Variants in CNBD2 observed in about 807,000 individuals in gnomAD.
CNBD2 encodes cyclic nucleotide-binding domain-containing protein 2.
Under a neutral mutation model 63.7 loss-of-function variants are expected in CNBD2, and 64 were observed. That is an observed-to-expected ratio of 1.00 (90% CI 0.82 to 1.24). The LOEUF (loss-of-function observed/expected upper bound fraction) is 1.24, where lower values mean the gene tolerates loss of function less well. Ranked by LOEUF, CNBD2 falls within the 50% of genes most tolerant of loss-of-function variation. The probability of loss-of-function intolerance (pLI) is 0.00; values close to 1 mark genes in which losing one functional copy is unlikely to be tolerated. For synonymous variants in CNBD2, 229 were observed against 255.4 expected, an observed-to-expected ratio of 0.90 and a Z score of 0.99; for missense variants, 691 against 713.5, an observed-to-expected ratio of 0.97 and a Z score of 0.36.
At chr20:36,029,936 CT>C (rs1166520139) in intron 11 of CNBD2, among the ~76,000 whole-genome samples, 4 of 152,222 alleles carry the variant, frequency 2.6e-5, no homozygotes, top group Non-Finnish European at 5.9e-5. Context: ...ACCAGTCTAC[CT>C]CCTGTCTCTA....
chr20:35,972,772 C>T lies in CNBD2; in HGVS notation c.189+6C>T, dbSNP rs374812491. The T allele has an allele frequency of 6.2e-7, 1 of 1,613,826 alleles. No homozygotes were observed. Among genetic ancestry groups the T allele is most frequent in the Non-Finnish European group, 8.5e-7 (1 of 1,179,880 alleles). Reference sequence around the variant, plus strand: ...CTATCTTCTCCTTCTGGGATGTAAGCAGTTGGGCTCAGCAGGATTATGAGG... The same window carrying T: ...CTATCTTCTCCTTCTGGGATGTAAGTAGTTGGGCTCAGCAGGATTATGAGG... On this transcript the variant is annotated splice_donor_region_variant and intron_variant, in intron 2 of 11. Coordinates refer to ENST00000373973, the MANE Select transcript of CNBD2 (RefSeq NM_001365709.1).
At chr20:35,987,061 T>C (rs771685842) in intron 6 of CNBD2, among the ~76,000 whole-genome samples, 35 of 150,622 alleles carry the variant, frequency 2.3e-4, no homozygotes, top group Non-Finnish European at 4.3e-4. Context: ...TGAGCCACGG[T>C]GGGGAGGGAT....
At chr20:35,967,422 T>C (rs953555692), upstream of CNBD2, among the ~76,000 whole-genome samples, 3 of 151,504 alleles carry the variant, frequency 2.0e-5, no homozygotes, top group African/African-American at 7.3e-5. Flanking sequence ...GCTAATTTTT[T>C]TGTATTTTTA....
intron 3 of CNBD2, among the ~76,000 whole-genome samples, chr20:35,977,695 C>T (rs6060737): frequency 3.3e-5 from 5 of 151,984 alleles, no homozygotes; most frequent in African/African-American, 1.2e-4. Flanking sequence ...CCAACCCATC[C>T]CAAAAAAGCA....
intron 10 of CNBD2, among the ~76,000 whole-genome samples, chr20:36,017,762 C>T (rs1030842465): frequency 6.6e-6 from 1 of 152,180 alleles, no homozygotes; most frequent in Admixed American, 6.5e-5. Context: ...TCCATTCCTT[C>T]GGTCATTCTT....
downstream of CNBD2, among the ~76,000 whole-genome samples, chr20:35,958,438 AT>A (rs1355746941): frequency 6.6e-6 from 1 of 152,250 alleles, no homozygotes; most frequent in Non-Finnish European, 1.5e-5. Context: ...TCTCAAAAAA[AT>A]AAATAAGTTT....
chr20:35,988,162 G>C (rs1276553210), intron 7 of CNBD2, among the ~76,000 whole-genome samples: 1 of 134,988 alleles, frequency 7.4e-6, no homozygotes, highest in Non-Finnish European at 1.6e-5. Flanking sequence ...GAGCCACCAG[G>C]CCCAGCCTAT....
intron 4 of CNBD2, among the ~76,000 whole-genome samples, chr20:35,981,137 G>A (rs992751537): frequency 6.6e-6 from 1 of 152,200 alleles, no homozygotes; most frequent in South Asian, 2.1e-4. Flanking sequence ...CCAGATGCTT[G>A]ACAGCAAAAG....
intron 11 of CNBD2, among the ~76,000 whole-genome samples, chr20:36,028,632 G>C (rs1309495080): frequency 6.6e-6 from 1 of 151,826 alleles, no homozygotes; most frequent in African/African-American, 2.4e-5. Flanking sequence ...CAGACAGACA[G>C]TATGAACTAA....
downstream of CNBD2, among the ~76,000 whole-genome samples, chr20:35,957,999 C>G (rs1453191229): frequency 2.0e-5 from 3 of 152,208 alleles, no homozygotes; most frequent in African/African-American, 7.2e-5. Flanking sequence ...GAAGGCAGAG[C>G]TCTCATATGA....
At chr20:36,006,656 A>G (rs1388248446) in intron 8 of CNBD2, among the ~76,000 whole-genome samples, 1 of 152,112 alleles carries the variant, frequency 6.6e-6, no homozygotes, top group African/African-American at 2.4e-5. Flanking sequence ...AGCTCAAGCG[A>G]TCCTCCTGCC....
At chr20:35,993,409 C>T (rs2056775740) in intron 7 of CNBD2, among the ~76,000 whole-genome samples, 1 of 152,066 alleles carries the variant, frequency 6.6e-6, no homozygotes, top group Admixed American at 6.5e-5. Context: ...GTGTGTATTC[C>T]TTGTTTCTGA....
At chr20:35,995,254 A>G in intron 8 of CNBD2, 102 bp downstream of exon 8, 1 of 748,492 alleles carries the variant, frequency 1.3e-6, no homozygotes, top group Non-Finnish European at 2.3e-6. Context: ...CCAGCCTGAC[A>G]GCGTATATCA....
intron 6 of CNBD2, among the ~76,000 whole-genome samples, chr20:35,986,812 C>T (rs756330936): frequency 1.5e-4 from 23 of 152,132 alleles, no homozygotes; most frequent in Non-Finnish European, 2.6e-4. Flanking sequence ...AGCCTGTGAA[C>T]GTGGTGTTCA....
chr20:36,020,992 G>C (rs1261844597), intron 10 of CNBD2, among the ~76,000 whole-genome samples: 2 of 152,162 alleles, frequency 1.3e-5, no homozygotes, highest in East Asian at 3.8e-4. Context: ...GGTGGAGGTG[G>C]GGAGGGTGTT....
intron 2 of CNBD2, 55 bp from the exon 3 acceptor site, chr20:35,975,894 G>A (rs2056510198): frequency 9.8e-6 from 15 of 1,529,874 alleles, no homozygotes; most frequent in Admixed American, 1.7e-5. Context: ...TAGATGCAAA[G>A]TTCTAGGGGC....
At chr20:35,962,526 C>G (rs2056316833) in intron 2 of CNBD2, among the ~76,000 whole-genome samples, 1 of 152,032 alleles carries the variant, frequency 6.6e-6, no homozygotes, top group Non-Finnish European at 1.5e-5. Context: ...TCCCAAAGTG[C>G]TGGGATTACA....
At chr20:35,963,615 T>A (rs2056323979), upstream of CNBD2, among the ~76,000 whole-genome samples, 1 of 152,002 alleles carries the variant, frequency 6.6e-6, no homozygotes, top group Non-Finnish European at 1.5e-5. Flanking sequence ...CACTCCAGCC[T>A]GGGCAAAAGA....
downstream of CNBD2, chr20:35,957,841 T>C (rs2056271792): frequency 6.6e-6 from 1 of 152,188 alleles, no homozygotes; most frequent in Non-Finnish European, 1.5e-5. Flanking sequence ...ATTAGGCCTC[T>C]TTATCCCTAG....
Sources: gnomAD v4.1 joint callset for allele counts (sites outside exome capture counted in the v4.1 genomes callset) on GRCh38, gnomAD v4.1.1 for gene constraint, MANE v1.5 for transcripts, NCBI Gene and HGNC (gene_info 2026-07-23, HGNC 2026-07-21) for gene names.